ODAD2: variants seen among roughly 807,000 people sequenced by gnomAD.
ODAD2 encodes outer dynein arm docking complex subunit 2, also known as outer dynein arm-docking complex subunit 2.
A neutral mutation model predicts 106.8 loss-of-function variants in ODAD2; 89 were observed. The ratio of observed to expected loss-of-function variants is 0.83; its 90% CI spans 0.70 to 0.99. The LOEUF (loss-of-function observed/expected upper bound fraction) is 0.99, where lower values mean the gene tolerates loss of function less well. Among genes scored for constraint, ODAD2 ranks in the 50% least tolerant of loss-of-function variants. The pLI, the probability that ODAD2 is intolerant of heterozygous loss-of-function variation, is 0.00. For missense variants in ODAD2, 1,168 were observed against 1,238.5 expected (o/e 0.94, Z 0.85); for synonymous variants, 404 against 436.2 (o/e 0.93, Z 0.92).
chr10:27,896,048 G>T (rs1337803180), intron 17 of ODAD2, among the ~76,000 whole-genome samples: 1 of 152,186 alleles, frequency 6.6e-6, no homozygotes, highest in Non-Finnish European at 1.5e-5. Context: ...GCGTTCACTA[G>T]ACAAGTGTCT....
chr10:27,863,224 C>T (rs1025881686), intron 17 of ODAD2, among the ~76,000 whole-genome samples: 2 of 152,196 alleles, frequency 1.3e-5, no homozygotes, highest in African/African-American at 4.8e-5. Context: ...AGGCACACCA[C>T]AGCCTTCTTG....
chr10:27,935,836 G>A (rs2134092737), intron 15 of ODAD2, among the ~76,000 whole-genome samples: 1 of 151,444 alleles, frequency 6.6e-6, no homozygotes, highest in Admixed American at 6.6e-5. Flanking sequence ...ACACACATAT[G>A]TATGCATATA....
rs1439150498 is a variant in ODAD2, at chr10:27,956,269, TC to T, written c.1386+5298del. On this transcript the variant is annotated intron_variant, in intron 10 of 19. Coordinates refer to ENST00000305242, the MANE Select transcript of ODAD2 (RefSeq NM_018076.5). ...CACCACCTGCTGCTGGATTCATCTT[TC>T]CAAATCAATGCTTTCATCATCCCTT... Among the ~76,000 whole-genome samples the T allele has an allele frequency of 5.9e-5, 9 of 152,218 alleles. No homozygotes were observed. The South Asian group carries it at 1.7e-3, about 28-fold the overall frequency.
At chr10:27,992,064 T>TA (rs1850267485) in intron 2 of ODAD2, among the ~76,000 whole-genome samples, 1 of 152,004 alleles carries the variant, frequency 6.6e-6, no homozygotes, top group Non-Finnish European at 1.5e-5. Context: ...GTTTGGGGAG[T>TA]AGACCAAGGG....
chr10:27,854,518 G>T (rs559040571), intron 19 of ODAD2, among the ~76,000 whole-genome samples: 105 of 152,306 alleles, frequency 6.9e-4, no homozygotes, highest in African/African-American at 2.3e-3. Flanking sequence ...CACTTTGGGA[G>T]GATGAGGTGG....
intron 16 of ODAD2, among the ~76,000 whole-genome samples, chr10:27,908,343 T>C (rs973900570): frequency 2.0e-5 from 3 of 152,164 alleles, no homozygotes; most frequent in Non-Finnish European, 4.4e-5. Flanking sequence ...TTGCAGACTG[T>C]GTTATAATTA....
intron 17 of ODAD2, among the ~76,000 whole-genome samples, chr10:27,894,775 C>A (rs1043390313): frequency 4.6e-5 from 7 of 151,842 alleles, no homozygotes; most frequent in Non-Finnish European, 8.8e-5. Flanking sequence ...TATGCTCCCC[C>A]AGCTGACCTC....
intron 15 of ODAD2, among the ~76,000 whole-genome samples, chr10:27,936,264 G>A (rs966422581): frequency 6.6e-6 from 1 of 152,066 alleles, no homozygotes; most frequent in Non-Finnish European, 1.5e-5. Context: ...CTTTAAAATC[G>A]AATCTGATGA....
At chr10:27,924,547 TAAAATAAAAAATTTTCAGAAAA>T (rs1161933760) in intron 16 of ODAD2, among the ~76,000 whole-genome samples, 1 of 57,458 alleles carries the variant, frequency 1.7e-5, no homozygotes, top group African/African-American at 6.7e-5. Flanking sequence ...ATCCAGTTAA[TAAAATAAAAAATTTTCAGAAAA>T]AAAATTCAAA....
chr10:27,992,695 A>G (rs1850301978), intron 2 of ODAD2, among the ~76,000 whole-genome samples: 1 of 152,168 alleles, frequency 6.6e-6, no homozygotes, highest in African/African-American at 2.4e-5. Flanking sequence ...TCTTAAATAA[A>G]TACATAAATA....
intron 3 of ODAD2, among the ~76,000 whole-genome samples, chr10:27,986,894 G>A (rs1027994198): frequency 1.3e-5 from 2 of 152,174 alleles, no homozygotes; most frequent in Admixed American, 6.5e-5. Context: ...AGTGGAATAT[G>A]GCTGAGAAAA....
At chr10:27,965,077 G>A (rs1018093891) in intron 9 of ODAD2, among the ~76,000 whole-genome samples, 2 of 152,104 alleles carry the variant, frequency 1.3e-5, no homozygotes, top group African/African-American at 4.8e-5. Flanking sequence ...TTTGGTACTG[G>A]TTTTCCTCTT....
intron 16 of ODAD2, among the ~76,000 whole-genome samples, chr10:27,929,181 C>A (rs1385410157): frequency 6.6e-6 from 1 of 152,106 alleles, no homozygotes; most frequent in African/African-American, 2.4e-5. Flanking sequence ...AAATAACAAT[C>A]ATTAGCTGCT....
intron 17 of ODAD2, among the ~76,000 whole-genome samples, chr10:27,878,263 A>T (rs1008687240): frequency 6.6e-6 from 1 of 152,234 alleles, no homozygotes; most frequent in Non-Finnish European, 1.5e-5. Flanking sequence ...AGTAAACAAA[A>T]TCAAACAGAT....
chr10:27,905,584 G>A (rs991378759), intron 17 of ODAD2, among the ~76,000 whole-genome samples: 1 of 152,132 alleles, frequency 6.6e-6, no homozygotes, highest in Non-Finnish European at 1.5e-5. Flanking sequence ...AAAGAACAAG[G>A]CTGGAGGCAT....
In ODAD2 at chr10:27,940,590, C is replaced by G. The variant is rs988754575; in HGVS notation, c.1959G>C (p.Val653=). 6.2e-7 allele frequency: 1 copy of G among 1,614,074 alleles called. No individual in the cohort carries two copies. The highest frequency in any genetic ancestry group is 2.2e-5 in the East Asian group (1 of 44,858). The change falls in exon 13 of 20, where the codon GTG becomes GTC. Residue 653 remains valine, a synonymous_variant. Transcript: ENST00000305242. ...TSHENMLIPV[V]GTLQECASEE... ...CTGATGCACACTCTTGCAATGTCCC[C>G]ACCACTGGAATTAGCATGTTTTCAT...
intron 12 of ODAD2, 41 bp downstream of exon 12, chr10:27,944,181 G>A (rs773849825): frequency 7.8e-6 from 12 of 1,541,520 alleles, no homozygotes; most frequent in Middle Eastern, 2.3e-4. Flanking sequence ...GTGCAGTGGC[G>A]GCTGGCACTA....
chr10:27,878,012 C>T (rs1841462273), intron 17 of ODAD2, among the ~76,000 whole-genome samples: 2 of 152,140 alleles, frequency 1.3e-5, no homozygotes, highest in Admixed American at 1.3e-4. Flanking sequence ...ATACACTGTG[C>T]ACTTAAGACT....
intron 9 of ODAD2, among the ~76,000 whole-genome samples, chr10:27,965,706 C>G (rs1848448532): frequency 6.6e-6 from 1 of 152,138 alleles, no homozygotes; most frequent in Non-Finnish European, 1.5e-5. Context: ...GTTATTGACA[C>G]CCTACACAGT....
Sources: gnomAD v4.1 joint callset for allele counts (sites outside exome capture counted in the v4.1 genomes callset) on GRCh38, gnomAD v4.1.1 for gene constraint, MANE v1.5 for transcripts, NCBI Gene and HGNC (gene_info 2026-07-23, HGNC 2026-07-21) for gene names.